MSRA: variants seen among roughly 807,000 people sequenced by gnomAD.
The protein encoded by MSRA is mitochondrial peptide methionine sulfoxide reductase.
In MSRA, 54 loss-of-function variants were observed where a neutral mutation model predicts 31.3. The ratio of observed to expected loss-of-function variants is 1.73; its 90% CI spans 1.39 to 2.17. MSRA has a LOEUF of 2.17. Among genes scored for constraint, MSRA ranks in the 30% most tolerant of loss-of-function variants. The probability of loss-of-function intolerance (pLI) is 0.00; values close to 1 mark genes in which losing one functional copy is unlikely to be tolerated. For missense variants in MSRA, 507 were observed against 300.9 expected (o/e 1.69, Z -5.07); for synonymous variants, 169 against 116.5 (o/e 1.45, Z -2.90).
At chr8:10,309,961 ATT>A (rs1801347267) in intron 4 of MSRA, among the ~76,000 whole-genome samples, 1 of 152,210 alleles carries the variant, frequency 6.6e-6, no homozygotes, top group Non-Finnish European at 1.5e-5. Flanking sequence ...ACTGGGAAAC[ATT>A]CATTGAAGGG....
chr8:10,233,716 T>C (rs1355895663), intron 2 of MSRA, among the ~76,000 whole-genome samples: 1 of 152,138 alleles, frequency 6.6e-6, no homozygotes, highest in East Asian at 1.9e-4. Flanking sequence ...TCAACTGACA[T>C]GTAAAGGGAG....
At chr8:10,259,433 G>T (rs1798352938) in intron 3 of MSRA, among the ~76,000 whole-genome samples, 1 of 152,114 alleles carries the variant, frequency 6.6e-6, no homozygotes, top group African/African-American at 2.4e-5. Flanking sequence ...TTAGAGTCAG[G>T]TGGTAAAGGA....
intron 1 of MSRA, among the ~76,000 whole-genome samples, chr8:10,058,622 A>G (rs926270666): frequency 6.6e-5 from 10 of 152,344 alleles, no homozygotes; most frequent in Non-Finnish European, 2.9e-5. Context: ...ATAAATGGCT[A>G]TTTCCTTGAC....
chr8:10,419,732 C>T (rs1019190503), intron 5 of MSRA, among the ~76,000 whole-genome samples: 2 of 152,134 alleles, frequency 1.3e-5, no homozygotes, highest in South Asian at 2.1e-4. Context: ...GTGTTTAGAG[C>T]GTATATCTCT....
At chr8:10,394,321 C>T (rs551528397) in intron 5 of MSRA, among the ~76,000 whole-genome samples, 1 of 152,190 alleles carries the variant, frequency 6.6e-6, no homozygotes, top group Non-Finnish European at 1.5e-5. Context: ...TAGCAGTGTA[C>T]CAGATCCTAC....
intron 1 of MSRA, among the ~76,000 whole-genome samples, chr8:10,161,982 G>A (rs184700648): frequency 3.3e-4 from 51 of 152,288 alleles, no homozygotes; most frequent in Middle Eastern, 3.4e-3. Flanking sequence ...GGTCCTGTGC[G>A]GATCCCAGCT....
intron 1 of MSRA, among the ~76,000 whole-genome samples, chr8:10,077,073 A>G (rs1241513594): frequency 6.6e-6 from 1 of 151,292 alleles, no homozygotes. Flanking sequence ...AGCAGAGGAC[A>G]AGGAGCCTCC....
At chr8:10,345,040 C>G (rs769548662) in intron 5 of MSRA, among the ~76,000 whole-genome samples, 1 of 152,128 alleles carries the variant, frequency 6.6e-6, no homozygotes, top group Non-Finnish European at 1.5e-5. Context: ...CTGTCTGGAT[C>G]TCTCTCTCTT....
At chr8:10,185,508 G>T (rs73664937) in intron 1 of MSRA, among the ~76,000 whole-genome samples, 1 of 151,544 alleles carries the variant, frequency 6.6e-6, no homozygotes. Context: ...ATCAGCTCTG[G>T]GCACAGCTTA....
intron 1 of MSRA, among the ~76,000 whole-genome samples, chr8:10,083,723 G>C (rs1798406879): frequency 6.6e-6 from 1 of 151,660 alleles, no homozygotes; most frequent in Admixed American, 6.6e-5. Flanking sequence ...CTGCTATCCT[G>C]TTTTTTTCCC....
chr8:10,377,673 G>A (rs753108207), intron 5 of MSRA, among the ~76,000 whole-genome samples: 9 of 152,148 alleles, frequency 5.9e-5, no homozygotes, highest in Non-Finnish European at 1.0e-4. Flanking sequence ...GGGAGCAAGC[G>A]GTCTGTGTCT....
intron 1 of MSRA, among the ~76,000 whole-genome samples, chr8:10,163,885 G>C (rs927809911): frequency 1.3e-5 from 2 of 152,182 alleles, no homozygotes; most frequent in Non-Finnish European, 2.9e-5. Flanking sequence ...CGGCATTGTC[G>C]GCTGTTGCTG....
chr8:10,326,583 C>T (rs1053383489), intron 5 of MSRA: 2 of 152,250 alleles, frequency 1.3e-5, no homozygotes, highest in East Asian at 3.9e-4. Context: ...AATTTGACAG[C>T]TGCTTCATAT....
chr8:10,091,607 GT>G lies in MSRA; in HGVS notation c.142+36965del, dbSNP rs377691325. Reference sequence around the variant, plus strand: ...AGTGAGATTGCTGGATCATATGGTAGTTTTTTTTTTTTTTTTGAGTTGAAAT... The same window carrying G: ...AGTGAGATTGCTGGATCATATGGTAGTTTTTTTTTTTTTTTGAGTTGAAAT... On this transcript the variant is annotated intron_variant, in intron 1 of 5. Coordinates refer to ENST00000317173, the MANE Select transcript of MSRA (RefSeq NM_012331.5). Among the ~76,000 whole-genome samples, 278 of 136,326 alleles carry G rather than the reference GT, an allele frequency of 2.0e-3. 1 individual carries two copies. The highest frequency in any genetic ancestry group is 6.4e-3 in the South Asian group (27 of 4,192). The allele number at this position is 136,326 out of a possible 152,430, so 89.4% of individuals were successfully genotyped here.
chr8:10,083,317 G>A (rs778312546), intron 1 of MSRA, among the ~76,000 whole-genome samples: 1 of 152,168 alleles, frequency 6.6e-6, no homozygotes, highest in Non-Finnish European at 1.5e-5. Flanking sequence ...CTAATTGAGA[G>A]ACATTTCCAT....
intron 3 of MSRA, among the ~76,000 whole-genome samples, chr8:10,246,573 C>T (rs1029145637): frequency 3.3e-5 from 5 of 152,156 alleles, no homozygotes; most frequent in Non-Finnish European, 7.3e-5. Flanking sequence ...AGGATGCGCT[C>T]AGCCCTCCAA....
chr8:10,119,702 C>T (rs749438631), intron 1 of MSRA, among the ~76,000 whole-genome samples: 4 of 152,014 alleles, frequency 2.6e-5, no homozygotes, highest in Admixed American at 1.3e-4. Context: ...TGAAGACAGT[C>T]GTAAGGGAGG....
rs553675863 is a variant in MSRA, at chr8:10,393,294, A to G, written c.544-34854A>G. Among the ~76,000 whole-genome samples, 42 of 152,278 alleles carry G rather than the reference A, an allele frequency of 2.8e-4. 1 individual carries two copies. The highest frequency in any genetic ancestry group is 1.2e-3 in the South Asian group (6 of 4,828). ...TTTGTTTCCTTGCCATTGGCTGGGC[A>G]TGTTTTACTGCATTATTCTTCCATC... On this transcript the variant is annotated intron_variant, in intron 5 of 5. Transcript: ENST00000317173.
At chr8:10,375,625 C>T (rs1805715253) in intron 5 of MSRA, among the ~76,000 whole-genome samples, 1 of 152,166 alleles carries the variant, frequency 6.6e-6, no homozygotes, top group Non-Finnish European at 1.5e-5. Flanking sequence ...AGTTCCTGGG[C>T]ATTGGCTTGT....
Sources: allele counts gnomAD v4.1 joint callset (sites outside exome capture counted in the v4.1 genomes callset), GRCh38; gene constraint gnomAD v4.1.1; transcripts MANE v1.5; gene names NCBI Gene and HGNC (gene_info 2026-07-23, HGNC 2026-07-21).